The following TMEM132B variants were observed in gnomAD, a reference collection of about 807,000 sequenced individuals.
TMEM132B encodes the protein transmembrane protein 132B.
A neutral mutation model predicts 90.8 loss-of-function variants in TMEM132B; 18 were observed. The ratio of observed to expected loss-of-function variants is 0.20; its 90% CI spans 0.14 to 0.29. The LOEUF (loss-of-function observed/expected upper bound fraction) is 0.29. TMEM132B is among the 10% of genes least tolerant of loss of function. TMEM132B has a pLI of 1.00. For synonymous variants in TMEM132B, 504 were observed against 523.3 expected, an observed-to-expected ratio of 0.96 and a Z score of 0.50; for missense variants, 1,096 against 1,326.8, an observed-to-expected ratio of 0.83 and a Z score of 2.70.
At chr12:125,201,900 C>T (rs1396710269) in intron 1 of TMEM132B, among the ~76,000 whole-genome samples, 1 of 152,218 alleles carries the variant, frequency 6.6e-6, no homozygotes, top group Non-Finnish European at 1.5e-5. Context: ...TGGTGTTGCT[C>T]ATCTCTTCTC....
chr12:125,545,778 T>G (rs1260762013), intron 4 of TMEM132B, among the ~76,000 whole-genome samples: 4 of 152,190 alleles, frequency 2.6e-5, no homozygotes, highest in African/African-American at 9.7e-5. Flanking sequence ...GAGAACAGAT[T>G]CCTGGTGGGT....
At chr12:125,305,802 G>A (rs554622979) in intron 1 of TMEM132B, among the ~76,000 whole-genome samples, 1 of 152,274 alleles carries the variant, frequency 6.6e-6, no homozygotes, top group East Asian at 1.9e-4. Context: ...GACTGTTCGT[G>A]TTGCTTCCCA....
rs74655992 is a variant in TMEM132B, at chr12:125,489,864, T to G, written c.1107-29575T>G. Among the ~76,000 whole-genome samples, 4 of 152,324 alleles carry G rather than the reference T, an allele frequency of 2.6e-5. No individual in the cohort carries two copies. The East Asian group carries it at 7.7e-4, about 29-fold the overall frequency. On this transcript the variant is annotated intron_variant, in intron 3 of 8. Coordinates refer to ENST00000682704, the MANE Select transcript of TMEM132B (RefSeq NM_001366854.1). ...GGTCCAAGATGGAAGAGGCCTGCAG[T>G]ATAATTCTCAGTTGGTTCTGGAACC...
At chr12:125,218,492 T>C (rs1341123450) in intron 1 of TMEM132B, among the ~76,000 whole-genome samples, 1 of 152,060 alleles carries the variant, frequency 6.6e-6, no homozygotes, top group African/African-American at 2.4e-5. Flanking sequence ...AGAAATGAAA[T>C]CTAAAAATCT....
At chr12:125,604,887 C>G (rs1885655949) in intron 5 of TMEM132B, among the ~76,000 whole-genome samples, 2 of 152,180 alleles carry the variant, frequency 1.3e-5, no homozygotes, top group Admixed American at 1.3e-4. Flanking sequence ...TAGCCAGGTT[C>G]CATGAGGGAG....
At chr12:125,188,073 G>C (rs140044478) in intron 1 of TMEM132B, among the ~76,000 whole-genome samples, 47 of 152,320 alleles carry the variant, frequency 3.1e-4, no homozygotes, top group African/African-American at 1.0e-3. Flanking sequence ...GATGTTCGAT[G>C]TATTTTATTT....
intron 3 of TMEM132B, among the ~76,000 whole-genome samples, chr12:125,441,884 T>C (rs1387387472): frequency 6.6e-6 from 1 of 152,264 alleles, no homozygotes; most frequent in Non-Finnish European, 1.5e-5. Flanking sequence ...TTTGTAAATG[T>C]TCTTTTTGAT....
chr12:125,380,057 C>G (rs1878628659), intron 2 of TMEM132B, among the ~76,000 whole-genome samples: 1 of 152,156 alleles, frequency 6.6e-6, no homozygotes, highest in African/African-American at 2.4e-5. Flanking sequence ...TTTCCTAGGG[C>G]TTTCATAACA....
At chr12:125,491,608 C>T (rs1200711425) in intron 3 of TMEM132B, among the ~76,000 whole-genome samples, 1 of 152,240 alleles carries the variant, frequency 6.6e-6, no homozygotes, top group African/African-American at 2.4e-5. Flanking sequence ...TACCTACCTT[C>T]ACTGTCTCAG....
At chr12:125,274,112 C>T (rs1874924077) in intron 1 of TMEM132B, among the ~76,000 whole-genome samples, 1 of 152,158 alleles carries the variant, frequency 6.6e-6, no homozygotes, top group Non-Finnish European at 1.5e-5. Context: ...TGGGTCTCTT[C>T]GTGAGTGGTG....
rs757718701 is a variant in TMEM132B, at chr12:125,349,742, C to T, written c.358C>T (p.Pro120Ser). The change falls in exon 2 of 9, where the codon CCC becomes TCC. Residue 120 changes from proline (P) to serine (S), a missense_variant. By Grantham distance (74) the Pro-to-Ser change is moderately conservative (BLOSUM62 -1). Coordinates refer to ENST00000682704, the MANE Select transcript of TMEM132B (RefSeq NM_001366854.1). The surrounding 1 kb of genome is among the most constrained non-coding windows in gnomAD (Gnocchi z 4.1). ...STAFGNMDKF[P>S]FNWKLKSHIL... ...AGCCTTTGGAAACATGGACAAATTT[C>T]CCTTCAACTGGAAATTGAAATCCCA... 1 of 1,614,258 alleles carries T rather than the reference C, an allele frequency of 6.2e-7. No individual in the cohort carries two copies. Among genetic ancestry groups the T allele is most frequent in the East Asian group, 2.2e-5 (1 of 44,890 alleles).
At chr12:125,547,940 G>A (rs887299954) in intron 4 of TMEM132B, among the ~76,000 whole-genome samples, 1 of 152,214 alleles carries the variant, frequency 6.6e-6, no homozygotes, top group Non-Finnish European at 1.5e-5. Flanking sequence ...ACTGAGCTAT[G>A]CTTTCCTGCT....
At chr12:125,204,898 G>A (rs988228579) in intron 1 of TMEM132B, among the ~76,000 whole-genome samples, 2 of 149,850 alleles carry the variant, frequency 1.3e-5, no homozygotes, top group Non-Finnish European at 3.0e-5. Flanking sequence ...TTCAATGAGG[G>A]CTCCATGTGC....
intron 1 of TMEM132B, among the ~76,000 whole-genome samples, chr12:125,321,547 G>A (rs945427998): frequency 8.1e-5 from 12 of 148,690 alleles, no homozygotes; most frequent in African/African-American, 2.5e-4. Flanking sequence ...GAGCAATCTC[G>A]GCTCACTGCA....
At chr12:125,365,519 C>T (rs1878101597) in intron 2 of TMEM132B, among the ~76,000 whole-genome samples, 1 of 152,030 alleles carries the variant, frequency 6.6e-6, no homozygotes, top group African/African-American at 2.4e-5. Context: ...TTCTGGGGAT[C>T]TAAGTTTTCA....
chr12:125,207,037 C>T (rs571614064), intron 1 of TMEM132B, among the ~76,000 whole-genome samples: 18 of 152,306 alleles, frequency 1.2e-4, no homozygotes, highest in African/African-American at 4.1e-4. Context: ...GTGGAAGGAA[C>T]GTTTACCAAC....
chr12:125,531,157 A>C (rs796386525), intron 4 of TMEM132B, among the ~76,000 whole-genome samples: 15 of 151,698 alleles, frequency 9.9e-5, no homozygotes, highest in Admixed American at 2.0e-4. Context: ...ATGTTATTTT[A>C]TTTTTTCTTT....
intron 1 of TMEM132B, among the ~76,000 whole-genome samples, chr12:125,285,428 G>A (rs949721010): frequency 8.5e-5 from 13 of 152,214 alleles, no homozygotes; most frequent in African/African-American, 2.7e-4. Flanking sequence ...GTGGCTCAGC[G>A]TCTAGGCCCC....
In TMEM132B at chr12:125,406,655, C is replaced by T. The variant is rs144500100; in HGVS notation, c.960-8876C>T. ...GTCTTGATGGCGTGAGTTCTAATTG[C>T]ACGCTTCCTTCTCCAACCCCCGCCC... is the stretch of plus-strand genomic sequence containing the variant. On this transcript the variant is annotated intron_variant, in intron 2 of 8. Coordinates refer to ENST00000682704, the MANE Select transcript of TMEM132B (RefSeq NM_001366854.1). This position sits in a 1 kb window ranked among gnomAD's most constrained non-coding sequence, Gnocchi z 8.3. 1.3e-5 allele frequency among the ~76,000 whole-genome samples: 2 copies of T among 152,224 alleles called. No homozygotes were observed. The highest frequency in any genetic ancestry group is 2.9e-5 in the Non-Finnish European group (2 of 68,028).
Sources: gnomAD v4.1 joint callset for allele counts (sites outside exome capture counted in the v4.1 genomes callset) on GRCh38, gnomAD v4.1.1 for gene constraint, Gnocchi (gnomAD v3.1) non-coding constraint, MANE v1.5 for transcripts, NCBI Gene and HGNC (gene_info 2026-07-23, HGNC 2026-07-21) for gene names.